The following KSR2 variants were observed in gnomAD, a reference collection of about 807,000 sequenced individuals.
KSR2 encodes kinase suppressor of ras 2.
Under a neutral mutation model 107.8 loss-of-function variants are expected in KSR2, and 25 were observed. The ratio of observed to expected loss-of-function variants is 0.23; its 90% CI spans 0.17 to 0.32. The LOEUF (loss-of-function observed/expected upper bound fraction) is 0.32, where lower values mean the gene tolerates loss of function less well. Among genes scored for constraint, KSR2 ranks in the 10% least tolerant of loss-of-function variants. The probability of loss-of-function intolerance (pLI) is 1.00; values close to 1 mark genes in which losing one functional copy is unlikely to be tolerated. For synonymous variants in KSR2, 480 were observed against 507.0 expected (o/e 0.95, Z 0.71); for missense variants, 887 against 1,268.9 (o/e 0.70, Z 4.57).
rs1888122289 is a variant in KSR2 at position 117,740,251 on chromosome 12, C to A, written c.986+20760G>T. Among the ~76,000 whole-genome samples the A allele has an allele frequency of 3.4e-5, 5 of 148,768 alleles. No homozygotes were observed. The South Asian group carries it at 1.1e-3, about 31-fold the overall frequency. ...AATCCCATCCAGGTTGCTGCGAATG[C>A]CATTAATTCATTCCTTTCTATGGCT... is the stretch of plus-strand genomic sequence containing the variant. On this transcript the variant is annotated intron_variant, in intron 4 of 19. Coordinates refer to ENST00000339824, the MANE Select transcript of KSR2 (RefSeq NM_173598.6).
chr12:117,620,266 CAG>C (rs1224804605), intron 5 of KSR2, among the ~76,000 whole-genome samples: 2 of 152,154 alleles, frequency 1.3e-5, no homozygotes, highest in African/African-American at 4.8e-5. Flanking sequence ...TCCTGGGAGT[CAG>C]AGTCATATTC....
At chr12:117,620,143 A>G (rs1232056660) in intron 5 of KSR2, among the ~76,000 whole-genome samples, 1 of 152,160 alleles carries the variant, frequency 6.6e-6, no homozygotes, top group African/African-American at 2.4e-5. Context: ...AATTGGAGAG[A>G]TTAAAAGACT....
chr12:117,572,753 T>G (rs1166194919), intron 7 of KSR2, among the ~76,000 whole-genome samples: 1 of 150,734 alleles, frequency 6.6e-6, no homozygotes, highest in Non-Finnish European at 1.5e-5. Flanking sequence ...CTGTTTAAAC[T>G]CTCATTTTCT....
intron 1 of KSR2, among the ~76,000 whole-genome samples, chr12:117,929,422 A>G (rs1011365949): frequency 1.3e-5 from 2 of 152,212 alleles, no homozygotes; most frequent in African/African-American, 4.8e-5. Flanking sequence ...TCTTGTCTGC[A>G]GCCATGTGAG....
chr12:117,578,601 C>CAAAAAAAAAAAAAAAAAAAAAAAAAAA (rs66919524), intron 7 of KSR2, among the ~76,000 whole-genome samples: 1 of 103,978 alleles, frequency 9.6e-6, no homozygotes. Context: ...GACTCCATCT[C>CAAAAAAAAAAAAAAAAAAAAAAAAAAA]AAAAAAAAAA....
chr12:117,732,290 TTTTC>T (rs1472956577), intron 4 of KSR2, among the ~76,000 whole-genome samples: 5 of 150,092 alleles, frequency 3.3e-5, no homozygotes, highest in African/African-American at 4.9e-5. Flanking sequence ...TCCTGAATTT[TTTTC>T]TTTTTTTTTT....
intron 4 of KSR2, among the ~76,000 whole-genome samples, chr12:117,725,413 A>C (rs928771807): frequency 1.3e-5 from 2 of 152,190 alleles, no homozygotes; most frequent in Admixed American, 1.3e-4. Context: ...TTTGATGAAG[A>C]TATCAAGTCA....
chr12:117,656,941 GATAT>G (rs71099068), intron 5 of KSR2, among the ~76,000 whole-genome samples: 41 of 102,484 alleles, frequency 4.0e-4, no homozygotes, highest in Non-Finnish European at 6.1e-4. Flanking sequence ...TATATAATAG[GATAT>G]ATATATATAT....
intron 1 of KSR2, among the ~76,000 whole-genome samples, chr12:117,876,988 G>A (rs1472875070): frequency 6.6e-6 from 1 of 152,030 alleles, no homozygotes; most frequent in Non-Finnish European, 1.5e-5. Context: ...AGGTAATTTT[G>A]TACAGTATTT....
chr12:117,967,397 T>C (rs1326101622), intron 1 of KSR2, among the ~76,000 whole-genome samples: 2 of 152,098 alleles, frequency 1.3e-5, no homozygotes, highest in African/African-American at 4.8e-5. Context: ...GATTGAGGCA[T>C]ATTTTTTTTT....
chr12:117,726,931 G>A (rs1048123557), intron 4 of KSR2, among the ~76,000 whole-genome samples: 1 of 152,142 alleles, frequency 6.6e-6, no homozygotes, highest in Non-Finnish European at 1.5e-5. Context: ...TGTATAGTGG[G>A]TTGAAATGCA....
chr12:117,889,559 C>T (rs559043965), intron 1 of KSR2: 10 of 151,998 alleles, frequency 6.6e-5, no homozygotes, highest in Admixed American at 1.3e-4. Context: ...AATAACGAGA[C>T]GTGGGGCCAT....
At chr12:117,856,886 TA>T (rs1893121430) in intron 2 of KSR2, among the ~76,000 whole-genome samples, 1 of 152,062 alleles carries the variant, frequency 6.6e-6, no homozygotes, top group Non-Finnish European at 1.5e-5. Context: ...ACTGTCTCAG[TA>T]CAAAAAATTA....
chr12:117,729,976 T>C (rs938488446), intron 4 of KSR2, among the ~76,000 whole-genome samples: 2 of 152,280 alleles, frequency 1.3e-5, no homozygotes, highest in Non-Finnish European at 2.9e-5. Flanking sequence ...TTTCCACTTA[T>C]TAGCTAGGAT....
chr12:117,502,501 A>AGGAG (rs1193697672), intron 14 of KSR2, among the ~76,000 whole-genome samples: 3 of 152,062 alleles, frequency 2.0e-5, no homozygotes, highest in Admixed American at 6.6e-5. Flanking sequence ...GAAAGTTGGG[A>AGGAG]GGAGGGTAGT....
chr12:117,930,540 G>C (rs538854894), intron 1 of KSR2, among the ~76,000 whole-genome samples: 1 of 152,096 alleles, frequency 6.6e-6, no homozygotes, highest in Non-Finnish European at 1.5e-5. Context: ...CCACACTTTG[G>C]GTAGCCACAT....
chr12:117,826,001 G>A (rs1891733652), intron 3 of KSR2, among the ~76,000 whole-genome samples: 1 of 151,146 alleles, frequency 6.6e-6, no homozygotes, highest in Non-Finnish European at 1.5e-5. Context: ...GTGGATGGGT[G>A]GGTGGATGGA....
intron 3 of KSR2, among the ~76,000 whole-genome samples, chr12:117,786,323 T>G (rs1239129802): frequency 6.6e-6 from 1 of 152,188 alleles, no homozygotes; most frequent in Admixed American, 6.5e-5. Context: ...TTTTTTATTT[T>G]TTTTATTTTT....
At chr12:117,953,124 C>T (rs1438319225) in intron 1 of KSR2, among the ~76,000 whole-genome samples, 1 of 151,918 alleles carries the variant, frequency 6.6e-6, no homozygotes, top group Non-Finnish European at 1.5e-5. Flanking sequence ...AAATGCAAAT[C>T]AAATGCACAA....
Sources: allele counts gnomAD v4.1 joint callset (sites outside exome capture counted in the v4.1 genomes callset), GRCh38; gene constraint gnomAD v4.1.1; transcripts MANE v1.5; gene names NCBI Gene and HGNC (gene_info 2026-07-23, HGNC 2026-07-21).